HS6ST2: variants seen among roughly 807,000 people sequenced by gnomAD.
The protein encoded by HS6ST2 is heparan sulfate 6-O-sulfotransferase 2, also known as heparan-sulfate 6-O-sulfotransferase 2.
HS6ST2 carries 17 observed loss-of-function variants against 33.0 expected under a neutral mutation model. The ratio of observed to expected loss-of-function variants is 0.52; its 90% CI spans 0.35 to 0.77. The LOEUF is 0.77. HS6ST2 is among the 30% of genes least tolerant of loss of function. The pLI is 0.01. For synonymous variants in HS6ST2, 248 were observed against 237.1 expected (o/e 1.05, Z -0.42); for missense variants, 519 against 551.7 (o/e 0.94, Z 0.59).
chrX:132,863,491 ATTT>A (rs113230236), intron 2 of HS6ST2, among the ~76,000 whole-genome samples: 1 of 94,284 alleles, frequency 1.1e-5, no homozygotes, highest in Admixed American at 1.2e-4. Flanking sequence ...AGCTAACTTA[ATTT>A]TTTTTTTTTT....
intron 2 of HS6ST2, among the ~76,000 whole-genome samples, chrX:132,934,507 G>A (rs376194589): frequency 9.0e-6 from 1 of 111,638 alleles, no homozygotes; most frequent in Non-Finnish European, 1.9e-5. Context: ...GAGCTATCTA[G>A]GAAAACACTT....
intron 3 of HS6ST2, among the ~76,000 whole-genome samples, chrX:132,704,731 A>G (rs1180620399): frequency 8.9e-6 from 1 of 112,073 alleles, no homozygotes; most frequent in Admixed American, 9.5e-5. Flanking sequence ...CCAGTGCATA[A>G]TAACAGAAAT....
intron 2 of HS6ST2, among the ~76,000 whole-genome samples, chrX:132,745,420 A>G (rs749129856): frequency 1.8e-5 from 2 of 111,570 alleles, no homozygotes; most frequent in South Asian, 7.6e-4. Flanking sequence ...AAATTCTGTA[A>G]TCTGTGAGAA....
chrX:132,856,907 A>G (rs1453503260), intron 2 of HS6ST2, among the ~76,000 whole-genome samples: 1 of 112,123 alleles, frequency 8.9e-6, no homozygotes, highest in African/African-American at 3.2e-5. Context: ...TGTCCTGAGT[A>G]TTTATCATGG....
chrX:132,941,802 T>C (rs756543301), intron 2 of HS6ST2, among the ~76,000 whole-genome samples: 15 of 109,162 alleles, frequency 1.4e-4, no homozygotes, highest in Non-Finnish European at 2.5e-4. Flanking sequence ...AATGATCTCT[T>C]TTTTTTTTAT....
intron 2 of HS6ST2, among the ~76,000 whole-genome samples, chrX:132,742,090 C>G (rs1425780828): frequency 8.9e-6 from 1 of 111,960 alleles, no homozygotes; most frequent in East Asian, 2.8e-4. Flanking sequence ...AAGACGTGCA[C>G]ATCTAGTGCT....
intron 2 of HS6ST2, among the ~76,000 whole-genome samples, chrX:132,754,920 C>G: frequency 9.0e-6 from 1 of 110,920 alleles, no homozygotes; most frequent in Non-Finnish European, 1.9e-5. Flanking sequence ...CTATGTTGCC[C>G]AGGCTGGTCT....
At chrX:132,940,749 G>T (rs757818551) in intron 2 of HS6ST2, among the ~76,000 whole-genome samples, 4 of 111,852 alleles carry the variant, frequency 3.6e-5, no homozygotes, top group Admixed American at 1.9e-4. Flanking sequence ...ACACTCCTAA[G>T]ATGGCTATAA....
intron 2 of HS6ST2, among the ~76,000 whole-genome samples, chrX:132,944,234 A>G (rs2066918746): frequency 9.0e-6 from 1 of 111,681 alleles, no homozygotes; most frequent in Admixed American, 9.5e-5. Context: ...GAGCCAAATC[A>G]TGAGTGAACT....
At chrX:132,686,197 G>A (rs2064015418) in intron 3 of HS6ST2, among the ~76,000 whole-genome samples, 1 of 112,215 alleles carries the variant, frequency 8.9e-6, no homozygotes, top group African/African-American at 3.2e-5. Context: ...GCTTTCAAAG[G>A]TCCATTAAAT....
At chrX:132,789,237 T>C (rs1032898701) in intron 2 of HS6ST2, among the ~76,000 whole-genome samples, 3 of 111,793 alleles carry the variant, frequency 2.7e-5, no homozygotes, top group Non-Finnish European at 1.9e-5. Flanking sequence ...AAGTTGAAGC[T>C]AATGCTCATT....
intron 2 of HS6ST2, among the ~76,000 whole-genome samples, chrX:132,822,091 T>A (rs1379692789): frequency 8.9e-6 from 1 of 111,882 alleles, no homozygotes; most frequent in Non-Finnish European, 1.9e-5. Context: ...TAGGAGTAGG[T>A]ACTTTTATTG....
chrX:132,671,091 C>T (rs2063871937), intron 3 of HS6ST2, among the ~76,000 whole-genome samples: 1 of 112,619 alleles, frequency 8.9e-6, no homozygotes, highest in Non-Finnish European at 1.9e-5. Flanking sequence ...TGCCTCTATC[C>T]GTCCTCGATG....
chrX:132,868,197 A>G (rs1032385487), intron 2 of HS6ST2, among the ~76,000 whole-genome samples: 6 of 112,285 alleles, frequency 5.3e-5, no homozygotes, highest in Non-Finnish European at 1.9e-5. Context: ...AGGGCATTAC[A>G]TAATGATAAA....
At chrX:132,807,751 C>T (rs1230395197) in intron 2 of HS6ST2, among the ~76,000 whole-genome samples, 5 of 111,887 alleles carry the variant, frequency 4.5e-5, no homozygotes, top group Non-Finnish European at 7.5e-5. Flanking sequence ...GCAAGCACTG[C>T]GAAAGGACGC....
intron 2 of HS6ST2, among the ~76,000 whole-genome samples, chrX:132,937,234 T>A (rs2066833971): frequency 8.9e-6 from 1 of 112,179 alleles, no homozygotes. Context: ...GCTCATAGAT[T>A]GAAAGAATTA....
In HS6ST2 at chrX:132,628,404, C is replaced by CTCTGAT. The variant is rs1311950758; in HGVS notation, c.1751_1756dup (p.Asn584_Gln585dup). ...ATTGGCATTCGGATTTGGGTTCTGA[C>CTCTGAT]TCTGATTCTGATTCGGATTCTGGCT... is the stretch of plus-strand genomic sequence containing the variant. On this transcript the variant is annotated inframe_insertion, in exon 5 of 5. Coordinates refer to ENST00000370833, the MANE Select transcript of HS6ST2 (RefSeq NM_001394073.1). 8.4e-6 allele frequency: 10 copies of CTCTGAT among 1,197,567 alleles called. No homozygotes were observed. The highest frequency in any genetic ancestry group is 1.0e-5 in the Non-Finnish European group (9 of 886,310).
chrX:132,881,071 G>C (rs750769938), intron 2 of HS6ST2, among the ~76,000 whole-genome samples: 177 of 110,749 alleles, frequency 1.6e-3, no homozygotes, highest in African/African-American at 5.5e-3. Flanking sequence ...ATTGTGAATA[G>C]TGCCACAATA....
intron 2 of HS6ST2, among the ~76,000 whole-genome samples, chrX:132,777,302 C>T (rs892449825): frequency 9.2e-6 from 1 of 108,589 alleles, no homozygotes; most frequent in African/African-American, 3.4e-5. Context: ...CAATAGCATC[C>T]CTCGATAAAT....
Sources: allele counts gnomAD v4.1 joint callset (sites outside exome capture counted in the v4.1 genomes callset), GRCh38; gene constraint gnomAD v4.1.1; transcripts MANE v1.5; gene names NCBI Gene and HGNC (gene_info 2026-07-23, HGNC 2026-07-21).